Variants in DUXA observed in about 807,000 individuals in gnomAD.
DUXA encodes the protein double homeobox A.
DUXA carries 25 observed loss-of-function variants against 27.5 expected under a neutral mutation model. The observed-to-expected ratio is 0.91, with a 90% CI of 0.66 to 1.27. DUXA has a LOEUF of 1.27. DUXA is among the 50% of genes most tolerant of loss of function. The probability of loss-of-function intolerance (pLI) is 0.00; values close to 1 mark genes in which losing one functional copy is unlikely to be tolerated. For missense variants in DUXA, 247 were observed against 242.9 expected (o/e 1.02, Z -0.11); for synonymous variants, 90 against 80.5 (o/e 1.12, Z -0.63).
At chr19:57,159,733 A>G (rs78496451) in intron 2 of DUXA, among the ~76,000 whole-genome samples, 8,544 of 151,740 alleles carry the variant, frequency 0.056, 333 homozygotes, top group Admixed American at 0.12. Flanking sequence ...CTCTTTGGTC[A>G]AGACTTGGCA....
chr19:57,156,655 G>A (rs1350955562), intron 4 of DUXA, among the ~76,000 whole-genome samples: 2 of 152,048 alleles, frequency 1.3e-5, no homozygotes, highest in Non-Finnish European at 2.9e-5. Flanking sequence ...ATGAGCCGCC[G>A]TAACTGGCCA....
At chr19:57,163,502 G>A (rs1758668990) in intron 1 of DUXA, among the ~76,000 whole-genome samples, 1 of 151,454 alleles carries the variant, frequency 6.6e-6, no homozygotes, top group African/African-American at 2.4e-5. Flanking sequence ...AGAGTTCAGT[G>A]GCACAATATC....
intron 1 of DUXA, among the ~76,000 whole-genome samples, chr19:57,162,182 CT>C (rs1447865742): frequency 6.6e-6 from 1 of 152,196 alleles, no homozygotes; most frequent in African/African-American, 2.4e-5. Flanking sequence ...GCCACCACCC[CT>C]GGCCGGAGCA....
At chr19:57,158,153 G>T (rs1177887032) in intron 4 of DUXA, among the ~76,000 whole-genome samples, 175 bp downstream of exon 4, 1 of 152,182 alleles carries the variant, frequency 6.6e-6, no homozygotes, top group Non-Finnish European at 1.5e-5. Flanking sequence ...ACCAGAAGGG[G>T]ATGTGAGATT....
At chr19:57,162,698 C>CA (rs1429375470) in intron 1 of DUXA, among the ~76,000 whole-genome samples, 1 of 152,154 alleles carries the variant, frequency 6.6e-6, no homozygotes, top group African/African-American at 2.4e-5. Context: ...CCTCAGCCTC[C>CA]AAAGTAGCTG....
chr19:57,161,405 C>CCT (rs1568464287), intron 1 of DUXA, among the ~76,000 whole-genome samples: 47 of 145,286 alleles, frequency 3.2e-4, no homozygotes, highest in African/African-American at 1.2e-3. Context: ...GGGCGGATCA[C>CCT]AAGGTCAGGA....
chr19:57,165,406 A>C (rs1389643246), intron 1 of DUXA, among the ~76,000 whole-genome samples: 1 of 149,668 alleles, frequency 6.7e-6, no homozygotes, highest in Non-Finnish European at 1.5e-5. Flanking sequence ...CCTTCTCCAC[A>C]CAACAAACAT....
At chr19:57,154,944 G>GCCTCTC (rs2086984952) in intron 5 of DUXA, among the ~76,000 whole-genome samples, 2 of 152,228 alleles carry the variant, frequency 1.3e-5, no homozygotes, top group African/African-American at 4.8e-5. Flanking sequence ...CACACCTGAG[G>GCCTCTC]ATTCATTCCT....
intron 3 of DUXA, 134 bp downstream of exon 3, chr19:57,159,033 G>A: frequency 1.5e-6 from 1 of 671,020 alleles, no homozygotes; most frequent in Non-Finnish European, 2.5e-6. Context: ...AACTTCTAGG[G>A]TACGATGAAC....
intron 1 of DUXA, among the ~76,000 whole-genome samples, chr19:57,161,615 T>C (rs976858895): frequency 1.2e-4 from 18 of 146,162 alleles, no homozygotes; most frequent in Admixed American, 3.4e-4. Context: ...AGAGCGAGAC[T>C]CCGTCTCAAA....
chr19:57,155,155 GA>G, intron 5 of DUXA, 111 bp downstream of exon 5: 3 of 917,016 alleles, frequency 3.3e-6, no homozygotes. Flanking sequence ...TGGAGCACTT[GA>G]GTGGGGATAT....
chr19:57,159,029 T>C (rs1045955252), intron 3 of DUXA, 138 bp downstream of exon 3: 6 of 655,968 alleles, frequency 9.1e-6, no homozygotes, highest in African/African-American at 1.8e-5. Context: ...GGAGAACTTC[T>C]AGGGTACGAT....
Position 57,154,501 on chromosome 19 carries a change from A to AC in DUXA, c.545-20_545-19insG. On this transcript the variant is annotated intron_variant, in intron 5 of 5. Coordinates refer to ENST00000554048, the MANE Select transcript of DUXA (RefSeq NM_001012729.2). ...TCTGCACCTAAGGAGGAAAAAAGAT[A>AC]GAGGAAAGAATGTAAGAGATCAGCT... The AC allele has an allele frequency of 3.1e-6, 5 of 1,595,512 alleles. No individual in the cohort carries two copies. Among genetic ancestry groups the AC allele is most frequent in the Non-Finnish European group, 4.3e-6 (5 of 1,163,314 alleles).
intron 1 of DUXA, among the ~76,000 whole-genome samples, chr19:57,166,607 C>T (rs900009859): frequency 2.0e-5 from 3 of 152,268 alleles, no homozygotes; most frequent in East Asian, 3.9e-4. Context: ...GGCGCCCGGC[C>T]GCCATAATTT....
chr19:57,156,630 G>T (rs2086994322), intron 4 of DUXA, among the ~76,000 whole-genome samples: 1 of 152,106 alleles, frequency 6.6e-6, no homozygotes, highest in Admixed American at 6.6e-5. Context: ...CTCTAAAACT[G>T]CTGGGATTCC....
chr19:57,162,571 GT>G (rs908216780), intron 1 of DUXA, among the ~76,000 whole-genome samples: 12 of 143,252 alleles, frequency 8.4e-5, no homozygotes, highest in Non-Finnish European at 1.6e-4. Context: ...CCATTGTTTT[GT>G]TTTTTGTTTT....
intron 1 of DUXA, among the ~76,000 whole-genome samples, chr19:57,163,301 C>G (rs1182434680): frequency 2.6e-5 from 4 of 152,056 alleles, no homozygotes. Context: ...ACTTTACCAC[C>G]ATGCTTAGCT....
At chr19:57,165,391 C>A (rs997238387) in intron 1 of DUXA, among the ~76,000 whole-genome samples, 1 of 147,464 alleles carries the variant, frequency 6.8e-6, no homozygotes, top group Non-Finnish European at 1.5e-5. Context: ...ATTTCTAACA[C>A]TTTACCTTCT....
At chr19:57,154,717 C>T (rs1340565009) in intron 5 of DUXA, among the ~76,000 whole-genome samples, 1 of 152,064 alleles carries the variant, frequency 6.6e-6, no homozygotes, top group South Asian at 2.1e-4. Context: ...GCGCCCGCCA[C>T]CACGCTCGGC....
Sources: gnomAD v4.1 joint callset for allele counts (sites outside exome capture counted in the v4.1 genomes callset) on GRCh38, gnomAD v4.1.1 for gene constraint, MANE v1.5 for transcripts, NCBI Gene and HGNC (gene_info 2026-07-23, HGNC 2026-07-21) for gene names.